MMAB: variants seen among roughly 807,000 people sequenced by gnomAD.
MMAB encodes metabolism of cobalamin associated B.
MMAB carries 17 observed loss-of-function variants against 30.6 expected under a neutral mutation model. That is an observed-to-expected ratio of 0.56 (90% CI 0.38 to 0.83). The LOEUF is 0.83. Ranked by LOEUF, MMAB falls within the 40% of genes least tolerant of loss-of-function variation. The pLI, the probability that MMAB is intolerant of heterozygous loss-of-function variation, is 0.00. For missense variants in MMAB, 311 were observed against 331.6 expected, an observed-to-expected ratio of 0.94 and a Z score of 0.48; for synonymous variants, 134 against 138.6, an observed-to-expected ratio of 0.97 and a Z score of 0.23.
In MMAB at chr12:109,559,555, T is replaced by C. The variant is rs570123616; in HGVS notation, c.585-400A>G. On this transcript the variant is annotated intron_variant, in intron 7 of 8. Coordinates refer to ENST00000545712, the MANE Select transcript of MMAB (RefSeq NM_052845.4). ...CCAATGGGCTAAACTCTAAGCCCCT[T>C]GTACATCATGACTTAGAACAACTTC... is the stretch of plus-strand genomic sequence containing the variant. Among the ~76,000 whole-genome samples, 38 of 152,340 alleles carry C rather than the reference T, an allele frequency of 2.5e-4. 1 individual carries two copies. Among genetic ancestry groups the C allele is most frequent in the South Asian group, 2.1e-3 (10 of 4,826 alleles).
At chr12:109,568,991 G>T in intron 2 of MMAB, 128 bp from the exon 3 acceptor site, 1 of 753,016 alleles carries the variant, frequency 1.3e-6, no homozygotes, top group East Asian at 2.7e-5. Context: ...TGTCATCCAG[G>T]CTGGAGTACA....
In MMAB at chr12:109,561,711, A is replaced by C. The variant is rs746799856; in HGVS notation, c.421+69T>G. On this transcript the variant is annotated intron_variant, in intron 5 of 8. Transcript: ENST00000545712. The surrounding 1 kb of genome is among the most constrained non-coding windows in gnomAD (Gnocchi z 5.3). The stretch of plus-strand genomic sequence containing the variant: ...TGGGTCCCTGGGGGCCTGGGATCCC[A>C]GATGGTGACCCTAGGAGAGTCCCCT... 5.2e-5 allele frequency: 76 copies of C among 1,452,766 alleles called. No homozygotes were observed. The South Asian group carries it at 8.6e-4, about 16-fold the overall frequency. 90.0% of individuals were successfully genotyped at this position (1,452,766 alleles called of 1,614,324 possible). A position where few individuals can be genotyped will look rare whatever the true frequency, so the allele number is the denominator to read the frequency against.
Position 109,565,100 on chromosome 12 carries a change from G to A in MMAB, c.348+19C>T, listed in dbSNP as rs1057522102. On this transcript the variant is annotated intron_variant, in intron 4 of 8. Transcript: ENST00000545712. The stretch of plus-strand genomic sequence containing the variant: ...CCGGGGCTGAAGATTCCCAGCTTGG[G>A]TGAGATGGTGTTACTCACTTTCTGA... The A allele has an allele frequency of 2.5e-6, 4 of 1,607,942 alleles. No individual in the cohort carries two copies. The highest frequency in any genetic ancestry group is 3.3e-5 in the Admixed American group (2 of 60,016).
intron 7 of MMAB, among the ~76,000 whole-genome samples, chr12:109,560,204 G>A (rs1884143854): frequency 6.6e-6 from 1 of 152,214 alleles, no homozygotes. Flanking sequence ...AAACCTTAGT[G>A]GTGTGGGACC....
chr12:109,557,234 A>C, intron 8 of MMAB, 98 bp from the exon 9 acceptor site: 1 of 859,340 alleles, frequency 1.2e-6, no homozygotes, highest in Non-Finnish European at 2.0e-6. Context: ...AGGAGATATA[A>C]ATGACGCACT....
intron 3 of MMAB, among the ~76,000 whole-genome samples, chr12:109,566,050 G>A (rs1214511638): frequency 2.0e-5 from 3 of 152,200 alleles, no homozygotes; most frequent in African/African-American, 7.2e-5. Flanking sequence ...AAGGGCAAGG[G>A]TCGGGGAAGG....
chr12:109,567,171 G>A (rs1343189174), intron 3 of MMAB: 19 of 346,500 alleles, frequency 5.5e-5, no homozygotes, highest in Middle Eastern at 9.7e-4. Context: ...ACTCCGTCTC[G>A]GAAAAAAAAA....
Position 109,569,938 on chromosome 12 carries a change from C to T in MMAB, c.197-1075G>A. 1 of 167,304 alleles carries T rather than the reference C, an allele frequency of 6.0e-6. No homozygotes were observed. The highest frequency in any genetic ancestry group is 1.9e-4 in the East Asian group (1 of 5,258). 10.4% of individuals were successfully genotyped at this position (167,304 alleles called of 1,614,324 possible). A position where few individuals can be genotyped will look rare whatever the true frequency, so the allele number is the denominator to read the frequency against. Reference sequence around the variant, plus strand: ...ATTACAGCGTTAGCACCTCTTTGTCCCTTCTGTCTTCTAGAAACAAATTAT... The same window carrying T: ...ATTACAGCGTTAGCACCTCTTTGTCTCTTCTGTCTTCTAGAAACAAATTAT... On this transcript the variant is annotated intron_variant, in intron 2 of 8. Coordinates refer to ENST00000545712, the MANE Select transcript of MMAB (RefSeq NM_052845.4). The surrounding 1 kb of genome is among the most constrained non-coding windows in gnomAD (Gnocchi z 4.1).
intron 2 of MMAB, among the ~76,000 whole-genome samples, chr12:109,571,073 A>C (rs1884613670): frequency 6.6e-6 from 1 of 152,176 alleles, no homozygotes; most frequent in Non-Finnish European, 1.5e-5. Context: ...CTCCCAGAAC[A>C]GTCCCAGGTG....
rs768947716 is a variant in MMAB at position 109,561,053 on chromosome 12, G to GCAGAAAT, written c.570_571insATTTCTG (p.Arg191IlefsTer30). The GCAGAAAT allele has an allele frequency of 6.6e-7, 1 of 1,510,372 alleles. No individual in the cohort carries two copies. Among genetic ancestry groups the GCAGAAAT allele is most frequent in the Non-Finnish European group, 8.9e-7 (1 of 1,117,336 alleles). 93.6% of individuals were successfully genotyped at this position (1,510,372 alleles called of 1,614,324 possible). On this transcript the variant is annotated frameshift_variant, in exon 7 of 9. Transcript: ENST00000545712. LOFTEE classifies it high-confidence loss of function. The surrounding 1 kb of genome is among the most constrained non-coding windows in gnomAD (Gnocchi z 5.3). ...CAGCCCTCTTACCGTCTCTCGGCCC[G>GCAGAAAT]GCGGCACACGGCCCGGCAGAAATGC...
chr12:109,561,639 G>A lies in MMAB; in HGVS notation c.422-122C>T. 5 of 1,213,514 alleles carry A rather than the reference G, an allele frequency of 4.1e-6. No individual in the cohort carries two copies. Among genetic ancestry groups the A allele is most frequent in the Non-Finnish European group, 5.9e-6 (5 of 847,412 alleles). 75.2% of individuals were successfully genotyped at this position (1,213,514 alleles called of 1,614,324 possible). ...CAGACTGCTTCCACTGGCTCAGAAG[G>A]TACCTTCCCTCCCAGGAGCTACGAG... is the stretch of plus-strand genomic sequence containing the variant. On this transcript the variant is annotated intron_variant, in intron 5 of 8. Transcript: ENST00000545712. This position sits in a 1 kb window ranked among gnomAD's most constrained non-coding sequence, Gnocchi z 5.3.
At position 109,554,296 on chromosome 12, in the gene MMAB, T is replaced by A; in HGVS notation, c.*2732A>T. ...CAAGCCCTTCCACAGTGCGGGCTGGTGTCACTGTGACTGTGGGCTTCTCTC... is the reference window on the plus strand; with the variant it reads ...CAAGCCCTTCCACAGTGCGGGCTGGAGTCACTGTGACTGTGGGCTTCTCTC... On this transcript the variant is annotated 3_prime_UTR_variant, in exon 9 of 9. Transcript: ENST00000545712. The A allele has an allele frequency of 2.2e-6, 1 of 454,040 alleles. No individual in the cohort carries two copies. The highest frequency in any genetic ancestry group is 4.4e-6 in the Non-Finnish European group (1 of 226,766). 28.1% of individuals were successfully genotyped at this position (454,040 alleles called of 1,614,324 possible).
intron 2 of MMAB, 65 bp downstream of exon 2, chr12:109,571,584 G>T (rs1442545706): frequency 7.5e-6 from 11 of 1,472,038 alleles, no homozygotes; most frequent in Non-Finnish European, 9.5e-6. Flanking sequence ...AAAGAATTTG[G>T]AAGAACTTTA....
intron 2 of MMAB, among the ~76,000 whole-genome samples, chr12:109,571,210 A>G (rs1486854756): frequency 6.6e-6 from 1 of 151,758 alleles, no homozygotes; most frequent in Admixed American, 6.6e-5. Context: ...TTTTTGTAAC[A>G]TATTTTGAGA....
At chr12:109,565,339 G>A (rs1183125043) in intron 3 of MMAB, among the ~76,000 whole-genome samples, 163 bp from the exon 4 acceptor site, 2 of 152,150 alleles carry the variant, frequency 1.3e-5, no homozygotes, top group Non-Finnish European at 2.9e-5. Flanking sequence ...CCTTCCATTT[G>A]GGGGCGGTGG....
chr12:109,572,898 T>TTACA (rs1884705641), intron 1 of MMAB, among the ~76,000 whole-genome samples: 1 of 152,184 alleles, frequency 6.6e-6, no homozygotes, highest in African/African-American at 2.4e-5. Context: ...AAATGTGACA[T>TTACA]TACAAGCCCA....
intron 3 of MMAB, chr12:109,568,202 G>A (rs1253602355): frequency 6.2e-6 from 1 of 162,398 alleles, no homozygotes; most frequent in East Asian, 1.7e-4. Context: ...GGCAGCAGCT[G>A]TACTAGCAGC....
intron 4 of MMAB, among the ~76,000 whole-genome samples, chr12:109,563,481 C>T (rs1438398980): frequency 3.3e-5 from 5 of 152,226 alleles, no homozygotes; most frequent in African/African-American, 1.2e-4. Flanking sequence ...ACACTGTCCC[C>T]GCCCTCACAG....
intron 2 of MMAB, among the ~76,000 whole-genome samples, 200 bp downstream of exon 2, chr12:109,571,449 A>G (rs1173115932): frequency 2.0e-5 from 3 of 152,094 alleles, no homozygotes; most frequent in Non-Finnish European, 4.4e-5. Flanking sequence ...ATGGGGTTTC[A>G]CCACATTGGC....
Sources: gnomAD v4.1 joint callset for allele counts (sites outside exome capture counted in the v4.1 genomes callset) on GRCh38, gnomAD v4.1.1 for gene constraint, Gnocchi (gnomAD v3.1) non-coding constraint, MANE v1.5 for transcripts, NCBI Gene and HGNC (gene_info 2026-07-23, HGNC 2026-07-21) for gene names.